Variants in DGKI observed in about 807,000 individuals in gnomAD.
DGKI encodes diacylglycerol kinase iota.
DGKI carries 55 observed loss-of-function variants against 147.5 expected under a neutral mutation model. The observed-to-expected ratio is 0.37, with a 90% CI of 0.30 to 0.47. The LOEUF (loss-of-function observed/expected upper bound fraction) is 0.47. Among genes scored for constraint, DGKI ranks in the 20% least tolerant of loss-of-function variants. DGKI has a pLI of 1.00. For synonymous variants in DGKI, 469 were observed against 477.1 expected (o/e 0.98, Z 0.22); for missense variants, 1,007 against 1,323.8 (o/e 0.76, Z 3.71).
At chr7:137,565,309 AAAT>A (rs1818547430) in intron 19 of DGKI, among the ~76,000 whole-genome samples, 1 of 152,142 alleles carries the variant, frequency 6.6e-6, no homozygotes, top group Admixed American at 6.5e-5. Flanking sequence ...AAAAATGTAA[AAAT>A]AAAGCAATTA....
intron 6 of DGKI, among the ~76,000 whole-genome samples, chr7:137,643,785 G>C (rs1019544549): frequency 6.6e-6 from 1 of 152,148 alleles, no homozygotes; most frequent in African/African-American, 2.4e-5. Flanking sequence ...ATGGCACTAG[G>C]GAACACTTGT....
intron 19 of DGKI, among the ~76,000 whole-genome samples, chr7:137,564,828 G>A (rs1227884814): frequency 2.0e-5 from 3 of 152,186 alleles, no homozygotes; most frequent in Non-Finnish European, 4.4e-5. Context: ...GAGCACAAGG[G>A]CGGTCCCTCG....
intron 20 of DGKI, among the ~76,000 whole-genome samples, chr7:137,524,476 G>A (rs1397222665): frequency 6.6e-6 from 1 of 152,140 alleles, no homozygotes; most frequent in Non-Finnish European, 1.5e-5. Flanking sequence ...CTATAGCAAA[G>A]AGTGTTAGGA....
At chr7:137,588,615 T>G (rs929132616) in intron 12 of DGKI, among the ~76,000 whole-genome samples, 1 of 151,972 alleles carries the variant, frequency 6.6e-6, no homozygotes, top group Non-Finnish European at 1.5e-5. Flanking sequence ...TAGCCGGGAC[T>G]ACAGGCGTAT....
intron 1 of DGKI, among the ~76,000 whole-genome samples, chr7:137,786,553 C>T (rs1219434914): frequency 1.3e-5 from 2 of 151,830 alleles, no homozygotes; most frequent in African/African-American, 4.8e-5. Context: ...CAAAAAAAAT[C>T]CACAAATTTA....
At chr7:137,564,383 T>C (rs1483481690) in intron 19 of DGKI, among the ~76,000 whole-genome samples, 2 of 152,084 alleles carry the variant, frequency 1.3e-5, no homozygotes, top group Non-Finnish European at 2.9e-5. Flanking sequence ...TTTCATAAAA[T>C]TGGATGTTTA....
intron 10 of DGKI, among the ~76,000 whole-genome samples, chr7:137,602,747 A>G (rs1339706045): frequency 1.3e-5 from 2 of 152,160 alleles, no homozygotes; most frequent in Non-Finnish European, 2.9e-5. Flanking sequence ...AGGGTAATTC[A>G]TTTCTTCCTC....
At chr7:137,622,939 T>C (rs1820801892) in intron 7 of DGKI, among the ~76,000 whole-genome samples, 1 of 152,198 alleles carries the variant, frequency 6.6e-6, no homozygotes, top group South Asian at 2.1e-4. Flanking sequence ...TACATTTCAA[T>C]GAGTGTACAG....
intron 6 of DGKI, 69 bp from the exon 7 acceptor site, chr7:137,623,623 A>G: frequency 7.2e-7 from 1 of 1,387,350 alleles, no homozygotes; most frequent in South Asian, 1.2e-5. Flanking sequence ...TGCCCTCCTG[A>G]AGTGCAATGA....
rs1819059932 is a variant in DGKI at position 137,578,325 on chromosome 7, T to A, written c.1643A>T (p.Glu548Val). 1.2e-6 allele frequency: 2 copies of A among 1,613,188 alleles called. No homozygotes were observed. The highest frequency in any genetic ancestry group is 1.7e-6 in the Non-Finnish European group (2 of 1,179,320). ...HVTLEFHESR[E>V]ANPEKFNSRF... ...ACTGTTGAATTTCTCTGGATTTGCT[T>A]CTGTGAAAGAGGAAAAGTAGTTTTG... Residue 548 changes from glutamate to valine, a missense_variant and splice_region_variant, in exon 16 of 33, where the codon GAA becomes GTA. Physicochemically the swap from Glu to Val is moderately radical, Grantham distance 121. Around this residue, in one of 5 missense-constraint regions of DGKI, gnomAD observed 224 missense variants for 382.7 expected, o/e 0.59. Transcript: ENST00000614521.
chr7:137,593,868 ATAT>A (rs1476495807), intron 12 of DGKI, among the ~76,000 whole-genome samples: 2 of 152,190 alleles, frequency 1.3e-5, no homozygotes, highest in Non-Finnish European at 2.9e-5. Flanking sequence ...ACAATAGCCT[ATAT>A]TATTATAATG....
intron 21 of DGKI, among the ~76,000 whole-genome samples, chr7:137,492,529 C>A (rs1404110314): frequency 6.6e-6 from 1 of 152,134 alleles, no homozygotes; most frequent in African/African-American, 2.4e-5. Flanking sequence ...GAAGGAATGA[C>A]ATACTCTCAC....
chr7:137,419,427 T>TG, intron 28 of DGKI, among the ~76,000 whole-genome samples: 1 of 152,330 alleles, frequency 6.6e-6, no homozygotes, highest in Middle Eastern at 3.4e-3. Context: ...GAGATACATA[T>TG]TTCTGCATAG....
intron 1 of DGKI, among the ~76,000 whole-genome samples, chr7:137,824,240 G>T (rs1797988885): frequency 6.6e-6 from 1 of 152,220 alleles, no homozygotes; most frequent in African/African-American, 2.4e-5. Context: ...CTATTGGCCA[G>T]GTGCAGCGGC....
chr7:137,540,761 C>CAAAA (rs1563075671), intron 20 of DGKI, among the ~76,000 whole-genome samples: 45 of 35,530 alleles, frequency 1.3e-3, no homozygotes, highest in East Asian at 5.3e-3. Flanking sequence ...AAAAACCCCC[C>CAAAA]CAAAAAAAAA....
chr7:137,797,249 A>G (rs1005037089), intron 1 of DGKI, among the ~76,000 whole-genome samples: 5 of 152,178 alleles, frequency 3.3e-5, no homozygotes, highest in Non-Finnish European at 5.9e-5. Flanking sequence ...CAGATAATCA[A>G]ACACTGAGAG....
At chr7:137,573,024 CAGAGGTTGGTTTTG>C (rs1431846690) in intron 17 of DGKI, among the ~76,000 whole-genome samples, 186 bp from the exon 18 acceptor site, 3 of 152,180 alleles carry the variant, frequency 2.0e-5, no homozygotes, top group African/African-American at 7.2e-5. Context: ...ACCCAGGGTA[CAGAGGTTGGTTTTG>C]TTCGCACTTA....
At chr7:137,608,901 G>A in intron 10 of DGKI, 65 bp downstream of exon 10, 1 of 1,254,884 alleles carries the variant, frequency 8.0e-7, no homozygotes, top group Non-Finnish European at 1.2e-6. Context: ...TTAATTGGCA[G>A]TGAGAGTTGT....
At chr7:137,683,014 C>T (rs1823293488) in intron 2 of DGKI, among the ~76,000 whole-genome samples, 1 of 152,126 alleles carries the variant, frequency 6.6e-6, no homozygotes, top group Non-Finnish European at 1.5e-5. Context: ...GCCTCATTTA[C>T]CCCAGCAAAT....
Sources: allele counts gnomAD v4.1 joint callset (sites outside exome capture counted in the v4.1 genomes callset), GRCh38; gene constraint gnomAD v4.1.1; regional missense constraint gnomAD v4.1.1; transcripts MANE v1.5; gene names NCBI Gene and HGNC (gene_info 2026-07-23, HGNC 2026-07-21).